SHANK2: variants seen among roughly 807,000 people sequenced by gnomAD.
SHANK2 encodes SH3 and multiple ankyrin repeat domains protein 2.
A neutral mutation model predicts 133.7 loss-of-function variants in SHANK2; 43 were observed. The ratio of observed to expected loss-of-function variants is 0.32; its 90% CI spans 0.25 to 0.41. SHANK2 has a LOEUF of 0.41. Ranked by LOEUF, SHANK2 falls within the 10% of genes least tolerant of loss-of-function variation. The pLI is 1.00. For synonymous variants in SHANK2, 1,017 were observed against 952.8 expected, an observed-to-expected ratio of 1.07 and a Z score of -1.24; for missense variants, 1,994 against 2,235.8, an observed-to-expected ratio of 0.89 and a Z score of 2.18.
At chr11:70,642,763 T>C (rs2061201494) in intron 17 of SHANK2, among the ~76,000 whole-genome samples, 1 of 152,196 alleles carries the variant, frequency 6.6e-6, no homozygotes, top group Non-Finnish European at 1.5e-5. Flanking sequence ...AGGCCCTCCA[T>C]GCGACTGAGA....
At chr11:70,582,930 C>T (rs2060202410) in intron 17 of SHANK2, among the ~76,000 whole-genome samples, 1 of 152,136 alleles carries the variant, frequency 6.6e-6, no homozygotes. Context: ...CTGAGAAGCC[C>T]CAGGAATCAC....
intron 17 of SHANK2, among the ~76,000 whole-genome samples, chr11:70,557,783 C>T (rs147902967): frequency 4.7e-4 from 72 of 152,294 alleles, no homozygotes; most frequent in African/African-American, 1.6e-3. Context: ...TGGGCCTGCA[C>T]GTTTCCAACG....
intron 3 of SHANK2, among the ~76,000 whole-genome samples, chr11:71,141,182 G>A (rs1335968234): frequency 6.6e-6 from 1 of 152,196 alleles, no homozygotes; most frequent in Admixed American, 6.5e-5. Flanking sequence ...CACATGCCCT[G>A]TGGACGGGTG....
At chr11:71,081,758 C>T (rs1951304047) in intron 8 of SHANK2, among the ~76,000 whole-genome samples, 1 of 152,214 alleles carries the variant, frequency 6.6e-6, no homozygotes, top group East Asian at 1.9e-4. Flanking sequence ...TGGAACTGAC[C>T]TCCCAGGTCA....
At chr11:70,551,920 T>C (rs1377618652) in intron 17 of SHANK2, among the ~76,000 whole-genome samples, 2 of 152,192 alleles carry the variant, frequency 1.3e-5, no homozygotes, top group African/African-American at 2.4e-5. Flanking sequence ...AGCGAGACTC[T>C]CTATGCGCCA....
At chr11:70,570,372 C>T (rs559228093) in intron 17 of SHANK2, among the ~76,000 whole-genome samples, 7 of 152,206 alleles carry the variant, frequency 4.6e-5, no homozygotes, top group East Asian at 1.9e-4. Flanking sequence ...AGGGTGCACG[C>T]GTGGGTGCCC....
intron 11 of SHANK2, among the ~76,000 whole-genome samples, chr11:70,857,099 T>C (rs1565364429): frequency 6.6e-6 from 1 of 152,210 alleles, no homozygotes; most frequent in South Asian, 2.1e-4. Context: ...TCCCTGACGA[T>C]GGCCCCAGCA....
chr11:70,490,381 A>T lies in SHANK2; in HGVS notation c.2446T>A (p.Tyr816Asn), dbSNP rs782115696. ...FPAGSDMNSV[Y>N]ERQGIAVMTP... The stretch of plus-strand genomic sequence containing the variant: ...ATCACGGCGATTCCTTGGCGTTCGT[A>T]CACAGACTGCAAACCAGAGAGCCTA... Residue 816 changes from tyrosine (Y) to asparagine (N), a missense_variant, in exon 23 of 26, where the codon TAC becomes AAC. Physicochemically the swap from Tyr to Asn is moderately radical, Grantham distance 143. Around this residue, in one of 5 missense-constraint regions of SHANK2, gnomAD observed 488 missense variants for 642.6 expected, o/e 0.76. Transcript: ENST00000601538. 3 of 1,614,058 alleles carry T rather than the reference A, an allele frequency of 1.9e-6. No individual in the cohort carries two copies. In the Admixed American group the frequency reaches 5.0e-5, roughly 27 times the overall value.
chr11:70,656,542 C>T (rs782619089), intron 17 of SHANK2, among the ~76,000 whole-genome samples: 21 of 152,172 alleles, frequency 1.4e-4, no homozygotes, highest in Non-Finnish European at 1.9e-4. Flanking sequence ...TCCTTCTCCC[C>T]TGGGCTGGCT....
chr11:70,708,980 G>A (rs1464697901), intron 14 of SHANK2, among the ~76,000 whole-genome samples: 1 of 152,192 alleles, frequency 6.6e-6, no homozygotes, highest in African/African-American at 2.4e-5. Context: ...GGAGGCCAAG[G>A]TGGGTGGATG....
chr11:70,728,027 T>C (rs1157591804), intron 14 of SHANK2, among the ~76,000 whole-genome samples: 1 of 152,232 alleles, frequency 6.6e-6, no homozygotes, highest in African/African-American at 2.4e-5. Flanking sequence ...TTCTATGCTA[T>C]AAATGCTTTG....
At chr11:70,749,129 C>T (rs1009929731) in intron 14 of SHANK2, among the ~76,000 whole-genome samples, 2 of 152,096 alleles carry the variant, frequency 1.3e-5, no homozygotes, top group African/African-American at 2.4e-5. Flanking sequence ...GTGGCACAGG[C>T]GACTAAAACC....
intron 17 of SHANK2, among the ~76,000 whole-genome samples, chr11:70,510,966 C>G (rs2059197832): frequency 6.6e-6 from 1 of 152,240 alleles, no homozygotes; most frequent in African/African-American, 2.4e-5. Context: ...GTCTTAAGTT[C>G]TCATCCTATT....
At position 70,873,122 on chromosome 11, in the gene SHANK2, T is replaced by C. The variant is rs782697485; in HGVS notation, c.1174+23379A>G. 3.4e-5 allele frequency: 16 copies of C among 471,168 alleles called. 1 individual carries two copies. Among genetic ancestry groups the C allele is most frequent in the South Asian group, 2.5e-4 (16 of 64,562 alleles). 29.2% of individuals were successfully genotyped at this position (471,168 alleles called of 1,614,324 possible). ...AGCTTGGGCCCTGCAGTTTATAGAATGATATGTTTGTGGTTCCCTAAAACA... is the reference window on the plus strand; with the variant it reads ...AGCTTGGGCCCTGCAGTTTATAGAACGATATGTTTGTGGTTCCCTAAAACA... On this transcript the variant is annotated intron_variant, in intron 11 of 25. Coordinates refer to ENST00000601538, the MANE Select transcript of SHANK2 (RefSeq NM_012309.5).
intron 6 of SHANK2, among the ~76,000 whole-genome samples, chr11:71,101,287 C>T (rs1951713308): frequency 6.6e-6 from 1 of 152,186 alleles, no homozygotes; most frequent in African/African-American, 2.4e-5. Context: ...ACTCCCTCTG[C>T]CGCATTTTCC....
Position 70,486,484 on chromosome 11 carries a change from C to T in SHANK2, c.3809G>A (p.Arg1270Gln), listed in dbSNP as rs146049527. ...CGTCTCCTGCCGCCTCAGGGGTCCC[C>T]GGGTGTTCTGCCTGGTGACCGTAGG... ...GFPTVTRQNT[R>Q]GPLRRQETEN... Residue 1270 changes from arginine (R) to glutamine (Q), a missense_variant, in exon 25 of 26, where the codon CGG (arginine) becomes CAG (glutamine). Arg to Gln is a conservative substitution (Grantham distance 43). This residue lies in a region of SHANK2 where 797 missense variants were observed against 907.4 expected (regional missense o/e 0.88). Coordinates refer to ENST00000601538, the MANE Select transcript of SHANK2 (RefSeq NM_012309.5). The surrounding 1 kb of genome is among the most constrained non-coding windows in gnomAD (Gnocchi z 8.0). The T allele has an allele frequency of 2.3e-5, 37 of 1,614,002 alleles. No individual in the cohort carries two copies. The highest frequency in any genetic ancestry group is 3.3e-5 in the Admixed American group (2 of 60,006).
chr11:70,513,410 G>A (rs2059228310), intron 17 of SHANK2, among the ~76,000 whole-genome samples: 1 of 152,196 alleles, frequency 6.6e-6, no homozygotes, highest in Non-Finnish European at 1.5e-5. Flanking sequence ...TTGAGCTGCT[G>A]CCACTGCAGG....
chr11:71,109,054 T>C (rs373260354), intron 6 of SHANK2, among the ~76,000 whole-genome samples: 9 of 152,198 alleles, frequency 5.9e-5, no homozygotes, highest in African/African-American at 2.2e-4. Context: ...GACACCAGTA[T>C]GTGATGATGG....
intron 2 of SHANK2, among the ~76,000 whole-genome samples, chr11:71,195,179 T>C (rs781978571): frequency 7.2e-5 from 11 of 151,806 alleles, no homozygotes; most frequent in Non-Finnish European, 1.2e-4. Context: ...GATCACAAGG[T>C]CAGGAGATCG....
Sources: gnomAD v4.1 joint callset for allele counts (sites outside exome capture counted in the v4.1 genomes callset) on GRCh38, gnomAD v4.1.1 for gene constraint, gnomAD v4.1.1 regional missense constraint, Gnocchi (gnomAD v3.1) non-coding constraint, MANE v1.5 for transcripts, NCBI Gene and HGNC (gene_info 2026-07-23, HGNC 2026-07-21) for gene names.